SLC9B1: variants seen among roughly 807,000 people sequenced by gnomAD.
SLC9B1 encodes the protein solute carrier family 9 member B1, also known as sodium/hydrogen exchanger 9B1.
A neutral mutation model predicts 51.7 loss-of-function variants in SLC9B1; 32 were observed. The observed-to-expected ratio is 0.62, with a 90% CI of 0.47 to 0.83. SLC9B1 has a LOEUF of 0.83. Ranked by LOEUF, SLC9B1 falls within the 40% of genes least tolerant of loss-of-function variation. The pLI is 0.00. For synonymous variants in SLC9B1, 145 were observed against 212.7 expected, an observed-to-expected ratio of 0.68 and a Z score of 2.77; for missense variants, 406 against 613.2, an observed-to-expected ratio of 0.66 and a Z score of 3.57.
intron 3 of SLC9B1, among the ~76,000 whole-genome samples, chr4:102,950,146 C>G (rs1737475839): frequency 1.3e-5 from 2 of 152,028 alleles, no homozygotes; most frequent in South Asian, 4.1e-4. Context: ...AATTCACAAC[C>G]TTATTGAAGA....
intron 6 of SLC9B1, among the ~76,000 whole-genome samples, chr4:102,935,905 C>T (rs1358860788): frequency 1.3e-5 from 2 of 152,174 alleles, no homozygotes; most frequent in African/African-American, 2.4e-5. Context: ...CCACACCTGC[C>T]GGCACTGCAC....
intron 11 of SLC9B1, among the ~76,000 whole-genome samples, chr4:102,904,562 G>A (rs1279238663): frequency 1.3e-5 from 2 of 152,008 alleles, no homozygotes; most frequent in African/African-American, 2.4e-5. Context: ...AGGTTACATT[G>A]GCTGGGCCCA....
At chr4:102,930,907 T>G (rs1736415499) in intron 7 of SLC9B1, among the ~76,000 whole-genome samples, 1 of 152,056 alleles carries the variant, frequency 6.6e-6, no homozygotes, top group Non-Finnish European at 1.5e-5. Flanking sequence ...GATATACAGT[T>G]AAGTGTAAAA....
chr4:102,933,736 T>A (rs1736575773), intron 6 of SLC9B1, among the ~76,000 whole-genome samples: 1 of 152,040 alleles, frequency 6.6e-6, no homozygotes, highest in Admixed American at 6.6e-5. Context: ...GAATAAGTGA[T>A]CAAAGAGAAT....
chr4:103,001,087 G>A (rs1315094094), intron 1 of SLC9B1, among the ~76,000 whole-genome samples: 2 of 152,306 alleles, frequency 1.3e-5, no homozygotes, highest in African/African-American at 2.4e-5. Flanking sequence ...CCAACACCAC[G>A]TGTAAGCCAC....
At chr4:102,931,676 A>G (rs1736464665) in intron 7 of SLC9B1, among the ~76,000 whole-genome samples, 3 of 152,196 alleles carry the variant, frequency 2.0e-5, no homozygotes, top group African/African-American at 4.8e-5. Context: ...ATCTTGTCCT[A>G]ACACTACCAT....
intron 11 of SLC9B1, among the ~76,000 whole-genome samples, chr4:102,902,870 A>G (rs527470963): frequency 5.3e-4 from 81 of 152,342 alleles, no homozygotes; most frequent in Non-Finnish European, 9.6e-4. Flanking sequence ...TCGAAACTGA[A>G]GAACAAGAGA....
intron 1 of SLC9B1, among the ~76,000 whole-genome samples, chr4:102,998,082 G>A (rs901786779): frequency 6.6e-6 from 1 of 152,004 alleles, no homozygotes; most frequent in Non-Finnish European, 1.5e-5. Context: ...TATTTGCATT[G>A]TTAAGCAACC....
At chr4:102,981,690 T>C (rs72663198) in intron 3 of SLC9B1, among the ~76,000 whole-genome samples, 58 of 152,316 alleles carry the variant, frequency 3.8e-4, no homozygotes, top group South Asian at 1.2e-3. Flanking sequence ...GTGTTCATTT[T>C]TTAATCTGGT....
At chr4:102,923,024 T>C (rs1735962737) in intron 7 of SLC9B1, among the ~76,000 whole-genome samples, 2 of 152,220 alleles carry the variant, frequency 1.3e-5, no homozygotes, top group African/African-American at 4.8e-5. Context: ...TTCCAATCAA[T>C]AGAAAAAGAG....
intron 3 of SLC9B1, among the ~76,000 whole-genome samples, chr4:102,967,850 A>G (rs1366560854): frequency 1.3e-5 from 2 of 152,186 alleles, no homozygotes; most frequent in African/African-American, 2.4e-5. Context: ...AAAACTAAAA[A>G]ACATCACTCA....
chr4:102,979,456 T>A (rs1161309321), intron 3 of SLC9B1, among the ~76,000 whole-genome samples: 1 of 152,164 alleles, frequency 6.6e-6, no homozygotes, highest in East Asian at 1.9e-4. Context: ...AACTCCAGTC[T>A]GCTCATGATA....
intron 2 of SLC9B1, 113 bp downstream of exon 2, chr4:102,991,530 T>C (rs1578405900): frequency 1.5e-6 from 1 of 665,178 alleles, no homozygotes; most frequent in South Asian, 2.9e-5. Flanking sequence ...TTTACCACTT[T>C]TCATTTTTAA....
chr4:102,929,915 TA>T (rs1257722443), intron 7 of SLC9B1, among the ~76,000 whole-genome samples: 1 of 152,138 alleles, frequency 6.6e-6, no homozygotes, highest in African/African-American at 2.4e-5. Context: ...CAATTGACAA[TA>T]AAAAACTTTA....
chr4:102,898,738 A>AT (rs1468893520), downstream of SLC9B1, among the ~76,000 whole-genome samples: 1 of 152,096 alleles, frequency 6.6e-6, no homozygotes, highest in Non-Finnish European at 1.5e-5. Flanking sequence ...TTGTTATTTT[A>AT]TTTTTTTGAG....
chr4:102,909,996 G>A (rs1199523625), intron 9 of SLC9B1, among the ~76,000 whole-genome samples: 6 of 151,926 alleles, frequency 3.9e-5, no homozygotes, highest in African/African-American at 1.5e-4. Flanking sequence ...TGTATTTTTA[G>A]TAGAGATGGG....
At position 102,923,086 on chromosome 4, in the gene SLC9B1, C is replaced by A. The variant is rs562107906; in HGVS notation, c.829+9038G>T. On this transcript the variant is annotated intron_variant, in intron 7 of 11. Transcript: ENST00000296422. ...GGCCAACATCATCCTGATACCAAAG[C>A]CTGGCAGGGACACAACAACAACAAA... Among the ~76,000 whole-genome samples the A allele has an allele frequency of 1.0e-3, 156 of 152,220 alleles. 1 individual carries two copies. Among genetic ancestry groups the A allele is most frequent in the African/African-American group, 3.7e-3 (152 of 41,536 alleles).
intron 11 of SLC9B1, among the ~76,000 whole-genome samples, chr4:102,904,902 T>C (rs2110425211): frequency 6.6e-6 from 1 of 151,914 alleles, no homozygotes; most frequent in South Asian, 2.1e-4. Context: ...GAGAATCGCT[T>C]GAACCTGGGA....
chr4:102,925,165 T>A (rs1042312823), intron 7 of SLC9B1, among the ~76,000 whole-genome samples: 1 of 152,132 alleles, frequency 6.6e-6, no homozygotes, highest in East Asian at 1.9e-4. Context: ...CAAATGCCCA[T>A]CAATGATAGA....
Sources: allele counts gnomAD v4.1 joint callset (sites outside exome capture counted in the v4.1 genomes callset), GRCh38; gene constraint gnomAD v4.1.1; transcripts MANE v1.5; gene names NCBI Gene and HGNC (gene_info 2026-07-23, HGNC 2026-07-21).